ANXA4: variants seen among roughly 807,000 people sequenced by gnomAD.
ANXA4 encodes annexin A4.
Under a neutral mutation model 49.8 loss-of-function variants are expected in ANXA4, and 39 were observed. The ratio of observed to expected loss-of-function variants is 0.78; its 90% CI spans 0.61 to 1.02. The LOEUF (loss-of-function observed/expected upper bound fraction) is 1.02, where lower values mean the gene tolerates loss of function less well. Among genes scored for constraint, ANXA4 ranks in the 50% least tolerant of loss-of-function variants. The pLI is 0.00. For synonymous variants in ANXA4, 134 were observed against 152.5 expected, an observed-to-expected ratio of 0.88 and a Z score of 0.89; for missense variants, 360 against 410.1, an observed-to-expected ratio of 0.88 and a Z score of 1.05.
At chr2:69,766,191 G>A (rs1240691883) in intron 1 of ANXA4, among the ~76,000 whole-genome samples, 2 of 152,178 alleles carry the variant, frequency 1.3e-5, no homozygotes. Flanking sequence ...ATACGCCACA[G>A]ATGTTTTTCA....
intron 2 of ANXA4, among the ~76,000 whole-genome samples, chr2:69,660,793 A>G (rs1318291518): frequency 6.6e-6 from 1 of 151,960 alleles, no homozygotes; most frequent in African/African-American, 2.4e-5. Context: ...AGAGAGAGAG[A>G]GAGAGAATAT....
chr2:69,685,053 A>C (rs781748021), intron 2 of ANXA4, among the ~76,000 whole-genome samples: 4 of 152,184 alleles, frequency 2.6e-5, no homozygotes, highest in Non-Finnish European at 5.9e-5. Context: ...AGAATAGGAG[A>C]GATTCCAGAA....
chr2:69,677,848 G>A (rs1677461603), intron 2 of ANXA4, among the ~76,000 whole-genome samples: 1 of 152,216 alleles, frequency 6.6e-6, no homozygotes, highest in African/African-American at 2.4e-5. Flanking sequence ...AAGCAAGCCA[G>A]AAAACCTAGA....
At chr2:69,777,153 T>TGGG (rs1671989443) in intron 1 of ANXA4, among the ~76,000 whole-genome samples, 1 of 152,192 alleles carries the variant, frequency 6.6e-6, no homozygotes, top group Admixed American at 6.5e-5. Flanking sequence ...GGCGCACGTC[T>TGGG]TCCCAGCACC....
At chr2:69,760,355 TAGAG>T (rs1217407592) in intron 1 of ANXA4, among the ~76,000 whole-genome samples, 12 of 152,130 alleles carry the variant, frequency 7.9e-5, no homozygotes, top group Admixed American at 7.2e-4. Flanking sequence ...CTTGATTAAA[TAGAG>T]AGAGGGAGGA....
At chr2:69,820,642 A>AGACAC in intron 11 of ANXA4, 57 bp from the exon 12 acceptor site, 5 of 1,600,060 alleles carry the variant, frequency 3.1e-6, no homozygotes, top group Non-Finnish European at 4.3e-6. Context: ...AGACTAAAGA[A>AGACAC]GACACTGAAA....
intron 3 of ANXA4, among the ~76,000 whole-genome samples, chr2:69,799,019 G>A (rs1427547843): frequency 1.4e-4 from 21 of 152,206 alleles, no homozygotes; most frequent in Admixed American, 1.4e-3. Flanking sequence ...AAAAATGTCA[G>A]GGTTTTTATA....
At chr2:69,800,249 G>A (rs188845295) in intron 3 of ANXA4, among the ~76,000 whole-genome samples, 63 of 152,156 alleles carry the variant, frequency 4.1e-4, no homozygotes, top group African/African-American at 1.5e-3. Flanking sequence ...TTCATAAAAA[G>A]AGAAAGGCAT....
intron 1 of ANXA4, among the ~76,000 whole-genome samples, chr2:69,769,967 A>G (rs1671646033): frequency 6.6e-6 from 1 of 152,164 alleles, no homozygotes; most frequent in Non-Finnish European, 1.5e-5. Context: ...CAGGCCTAAG[A>G]TACATGTTTT....
intron 2 of ANXA4, among the ~76,000 whole-genome samples, chr2:69,663,293 C>CTTT (rs55970370): frequency 0.053 from 2,286 of 42,772 alleles, 687 homozygotes; most frequent in East Asian, 0.061. Context: ...TGCACCCGGC[C>CTTT]TTTTTTTTTT....
At chr2:69,696,824 CT>C (rs1189653358) in intron 2 of ANXA4, among the ~76,000 whole-genome samples, 1 of 152,126 alleles carries the variant, frequency 6.6e-6, no homozygotes, top group Non-Finnish European at 1.5e-5. Context: ...AAAAAGGAAT[CT>C]TTTTTATTTT....
At chr2:69,763,601 T>C (rs1423187827) in intron 1 of ANXA4, among the ~76,000 whole-genome samples, 1 of 152,026 alleles carries the variant, frequency 6.6e-6, no homozygotes. Flanking sequence ...TTTCTTTTTT[T>C]AAATGACAAA....
intron 6 of ANXA4, 191 bp downstream of exon 6, chr2:69,808,187 C>G: frequency 1.7e-6 from 1 of 576,974 alleles, no homozygotes; most frequent in Non-Finnish European, 3.1e-6. Flanking sequence ...TAAGATTTCT[C>G]AGGTGAAGAT....
upstream of ANXA4, chr2:69,643,819 C>G: frequency 8.4e-7 from 1 of 1,183,872 alleles, no homozygotes; most frequent in Non-Finnish European, 1.0e-6. Flanking sequence ...CCGGAAGTGC[C>G]CCTCGGGGCG....
chr2:69,694,346 A>G (rs575280136), intron 2 of ANXA4, among the ~76,000 whole-genome samples: 1 of 151,088 alleles, frequency 6.6e-6, no homozygotes, highest in Non-Finnish European at 1.5e-5. Flanking sequence ...TTTGATCCAG[A>G]ACAGTAAACA....
intron 2 of ANXA4, among the ~76,000 whole-genome samples, chr2:69,667,144 G>T (rs953630372): frequency 2.6e-5 from 4 of 152,014 alleles, no homozygotes; most frequent in Non-Finnish European, 5.9e-5. Context: ...ATTAGTGGTT[G>T]CCTAAAGCTG....
At chr2:69,730,067 C>T (rs1200740066) in intron 3 of ANXA4, among the ~76,000 whole-genome samples, 3 of 152,136 alleles carry the variant, frequency 2.0e-5, no homozygotes, top group Middle Eastern at 3.2e-3. Context: ...GGGCCAGGCA[C>T]GATGGCACAC....
At chr2:69,797,561 A>G (rs1247225842) in intron 3 of ANXA4, among the ~76,000 whole-genome samples, 1 of 152,022 alleles carries the variant, frequency 6.6e-6, no homozygotes, top group Non-Finnish European at 1.5e-5. Flanking sequence ...TGAGCTTTAT[A>G]CTCTGCTATT....
chr2:69,650,018 C>T (rs1676172636), intron 1 of ANXA4, among the ~76,000 whole-genome samples: 1 of 149,622 alleles, frequency 6.7e-6, no homozygotes, highest in South Asian at 2.1e-4. Context: ...TGACTGCAGC[C>T]ACCACCTCCC....
Sources: gnomAD v4.1 joint callset for allele counts (sites outside exome capture counted in the v4.1 genomes callset) on GRCh38, gnomAD v4.1.1 for gene constraint, MANE v1.5 for transcripts, NCBI Gene and HGNC (gene_info 2026-07-23, HGNC 2026-07-21) for gene names.